The following LVRN variants were observed in gnomAD, a reference collection of about 807,000 sequenced individuals.
LVRN encodes the protein aminopeptidase Q.
A neutral mutation model predicts 111.4 loss-of-function variants in LVRN; 99 were observed. That is an observed-to-expected ratio of 0.89 (90% CI 0.76 to 1.05). The LOEUF is 1.05. LVRN is among the 50% of genes least tolerant of loss of function. LVRN has a pLI of 0.00. For synonymous variants in LVRN, 488 were observed against 449.5 expected, an observed-to-expected ratio of 1.09 and a Z score of -1.08; for missense variants, 1,414 against 1,206.8, an observed-to-expected ratio of 1.17 and a Z score of -2.54.
chr5:115,975,236 C>A, intron 1 of LVRN: 1 of 468,312 alleles, frequency 2.1e-6, no homozygotes, highest in South Asian at 1.7e-5. Flanking sequence ...GGTTCACACC[C>A]CATGTCCAGC....
rs750815707 is a variant in LVRN, at chr5:115,993,769, G to C, written c.1289G>C (p.Trp430Ser). The change falls in exon 6 of 20, where the codon TGG becomes TCG. Residue 430 changes from tryptophan (W) to serine (S), a missense_variant. Coordinates refer to ENST00000357872, the MANE Select transcript of LVRN (RefSeq NM_173800.5). Reference protein sequence around the residue: ...QWFGNLVTMNWWNNIWLNEGF... With the variant: ...QWFGNLVTMNSWNNIWLNEGF... ...TTTGGAAACTTGGTTACCATGAATTGGTGGAACAATATCTGGCTCAACGAG... is the reference window on the plus strand; with the variant it reads ...TTTGGAAACTTGGTTACCATGAATTCGTGGAACAATATCTGGCTCAACGAG... 3.1e-6 allele frequency: 5 copies of C among 1,607,970 alleles called. No individual in the cohort carries two copies. Among genetic ancestry groups the C allele is most frequent in the African/African-American group, 1.3e-5 (1 of 74,652 alleles).
At chr5:116,001,036 T>C (rs1258367536) in intron 9 of LVRN, 31 bp from the exon 10 acceptor site, 1 of 1,569,028 alleles carries the variant, frequency 6.4e-7, no homozygotes, top group Non-Finnish European at 8.6e-7. Flanking sequence ...CGGATAACCT[T>C]ACCTGCCTTT....
rs757733386 is a variant in LVRN, at chr5:115,963,306, A to G, written c.689A>G (p.Glu230Gly). 5 of 1,606,600 alleles carry G rather than the reference A, an allele frequency of 3.1e-6. No homozygotes were observed. The highest frequency in any genetic ancestry group is 4.2e-6 in the Non-Finnish European group (5 of 1,177,074). The change falls in exon 1 of 20, where the codon GAG becomes GGG. Residue 230 changes from glutamate to glycine, a missense_variant. By Grantham distance (98) the Glu-to-Gly change is moderately conservative. Coordinates refer to ENST00000357872, the MANE Select transcript of LVRN (RefSeq NM_173800.5). ...LFLNVYTDQG[E>G]RRALLASQLE... Reference sequence around the variant, plus strand: ...CTCAACGTCTACACCGACCAGGGCGAGCGCAGGTAAGGGCTGTACAGCCCG... The same window carrying G: ...CTCAACGTCTACACCGACCAGGGCGGGCGCAGGTAAGGGCTGTACAGCCCG...
rs147088403 is a variant in LVRN, at chr5:115,984,186, G to A, written c.839-384G>A. Among the ~76,000 whole-genome samples, 718 of 152,256 alleles carry A rather than the reference G, an allele frequency of 4.7e-3. 5 individuals carry two copies. Among genetic ancestry groups the A allele is most frequent in the Non-Finnish European group, 7.3e-3 (497 of 68,000 alleles). On this transcript the variant is annotated intron_variant, in intron 2 of 19. Coordinates refer to ENST00000357872, the MANE Select transcript of LVRN (RefSeq NM_173800.5). ...TAAAGTCTTAGTTTGAAACCTGAGA[G>A]GAGTAGAATTGCACCTTGTTGACCT...
chr5:115,971,448 A>G (rs1753324048), intron 1 of LVRN, among the ~76,000 whole-genome samples: 2 of 152,200 alleles, frequency 1.3e-5, no homozygotes, highest in South Asian at 4.1e-4. Context: ...CTTCTTTCAG[A>G]AGTTTTATAG....
chr5:116,010,219 A>G (rs938395655), intron 13 of LVRN, among the ~76,000 whole-genome samples: 1 of 152,210 alleles, frequency 6.6e-6, no homozygotes, highest in Non-Finnish European at 1.5e-5. Flanking sequence ...TTGCTACTTA[A>G]TAGGCTACAG....
intron 4 of LVRN, among the ~76,000 whole-genome samples, chr5:115,989,943 C>T (rs188447460): frequency 6.6e-6 from 1 of 152,110 alleles, no homozygotes; most frequent in African/African-American, 2.4e-5. Context: ...CCTCCCCTAC[C>T]AGCATTTCCC....
intron 1 of LVRN, among the ~76,000 whole-genome samples, chr5:115,966,215 A>G (rs920155554): frequency 6.6e-6 from 1 of 152,128 alleles, no homozygotes; most frequent in Admixed American, 6.6e-5. Context: ...CTTTTTATGC[A>G]CTCATACCAC....
At chr5:116,013,233 G>T (rs1748527644) in intron 15 of LVRN, among the ~76,000 whole-genome samples, 1 of 152,132 alleles carries the variant, frequency 6.6e-6, no homozygotes, top group African/African-American at 2.4e-5. Flanking sequence ...GTACTCTTCT[G>T]GGAGGGCAGA....
At position 115,984,639 on chromosome 5, in the gene LVRN, T is replaced by A. The variant is rs983564219; in HGVS notation, c.908T>A (p.Met303Lys). ...ACAACCTTTTCCACTACGCCCCACA[T>A]GCCAACTTACTTAGTCGCATTTGTT... is the stretch of plus-strand genomic sequence containing the variant. ...TVTTFSTTPH[M>K]PTYLVAFVIC... Residue 303 changes from methionine (M) to lysine (K), a missense_variant, in exon 3 of 20, where the codon ATG becomes AAG. Physicochemically the swap from Met to Lys is moderately conservative, Grantham distance 95. Coordinates refer to ENST00000357872, the MANE Select transcript of LVRN (RefSeq NM_173800.5). 6.2e-7 allele frequency: 1 copy of A among 1,613,602 alleles called. No individual in the cohort carries two copies. The highest frequency in any genetic ancestry group is 1.3e-5 in the African/African-American group (1 of 74,898).
chr5:115,999,542 A>T (rs867702115), intron 6 of LVRN, among the ~76,000 whole-genome samples: 1 of 152,236 alleles, frequency 6.6e-6, no homozygotes, highest in Non-Finnish European at 1.5e-5. Flanking sequence ...CTTTTTAAAA[A>T]CTGAAATGAA....
intron 18 of LVRN, among the ~76,000 whole-genome samples, chr5:116,017,142 C>T (rs748942383): frequency 6.6e-6 from 1 of 152,138 alleles, no homozygotes; most frequent in Non-Finnish European, 1.5e-5. Flanking sequence ...CTCCTTCTAC[C>T]TGGAGGACAG....
rs893809586 is a variant in LVRN, at chr5:116,010,764, C to T, written c.2117C>T (p.Thr706Ile). ...LSKNNYIEIETALELTKYLAE... is the reference protein window; with the variant it reads ...LSKNNYIEIEIALELTKYLAE... ...AGAAACAATTATATTGAGATTGAAACAGCACTTGAGTTAACCAAGTACCTT... is the reference window on the plus strand; with the variant it reads ...AGAAACAATTATATTGAGATTGAAATAGCACTTGAGTTAACCAAGTACCTT... The change falls in exon 14 of 20, where the codon ACA (threonine) becomes ATA (isoleucine). Residue 706 changes from threonine to isoleucine, a missense_variant. Thr to Ile is a moderately conservative substitution (Grantham distance 89). Transcript: ENST00000357872. The T allele has an allele frequency of 2.5e-6, 4 of 1,601,382 alleles. No homozygotes were observed. The highest frequency in any genetic ancestry group is 2.2e-5 in the East Asian group (1 of 44,696).
chr5:115,978,446 A>G (rs1753492681), intron 1 of LVRN, among the ~76,000 whole-genome samples: 1 of 152,164 alleles, frequency 6.6e-6, no homozygotes, highest in African/African-American at 2.4e-5. Flanking sequence ...GTCCTTTTAC[A>G]GTGGGAAATT....
chr5:116,012,464 G>C lies in LVRN; in HGVS notation c.2338G>C (p.Ala780Pro). 6.6e-7 allele frequency: 1 copy of C among 1,521,770 alleles called. No individual in the cohort carries two copies. The highest frequency in any genetic ancestry group is 9.0e-7 in the Non-Finnish European group (1 of 1,110,224). The allele number at this position is 1,521,770 out of a possible 1,614,324, so 94.3% of individuals were successfully genotyped here. A position where few individuals can be genotyped will look rare whatever the true frequency, so the allele number is the denominator to read the frequency against. ...GTTGGCATTACAAGATGACTACTTAGCTCTGTAAGTATGTTTTCAGAAGTG... is the reference window on the plus strand; with the variant it reads ...GTTGGCATTACAAGATGACTACTTACCTCTGTAAGTATGTTTTCAGAAGTG... ...NVLALQDDYLALISLEKLFVT... is the reference protein window; with the variant it reads ...NVLALQDDYLPLISLEKLFVT... The change falls in exon 15 of 20, where the codon GCT (alanine) becomes CCT (proline). Residue 780 changes from alanine (A) to proline (P), a missense_variant. Transcript: ENST00000357872.
chr5:116,010,250 T>C (rs1407921898), intron 13 of LVRN, among the ~76,000 whole-genome samples: 1 of 152,216 alleles, frequency 6.6e-6, no homozygotes, highest in Non-Finnish European at 1.5e-5. Context: ...ACATAACTTT[T>C]ATATGCACTG....
intron 6 of LVRN, among the ~76,000 whole-genome samples, chr5:115,996,550 G>C (rs1748117117): frequency 6.6e-6 from 1 of 152,130 alleles, no homozygotes; most frequent in Admixed American, 6.5e-5. Flanking sequence ...TTTTAATCTA[G>C]TAATGTGATT....
chr5:116,005,720 TA>T (rs1748353368), intron 12 of LVRN, 191 bp from the exon 13 acceptor site: 1 of 658,884 alleles, frequency 1.5e-6, no homozygotes, highest in African/African-American at 1.8e-5. Context: ...AGGGTTCATT[TA>T]TTTCAAAAAC....
At chr5:115,972,036 G>T (rs1402133584) in intron 1 of LVRN, among the ~76,000 whole-genome samples, 3 of 152,050 alleles carry the variant, frequency 2.0e-5, no homozygotes, top group African/African-American at 4.8e-5. Flanking sequence ...GAATATTCGT[G>T]TATAAGCCTT....
Sources: gnomAD v4.1 joint callset for allele counts (sites outside exome capture counted in the v4.1 genomes callset) on GRCh38, gnomAD v4.1.1 for gene constraint, MANE v1.5 for transcripts, NCBI Gene and HGNC (gene_info 2026-07-23, HGNC 2026-07-21) for gene names.